INSR: variants seen among roughly 807,000 people sequenced by gnomAD.
The protein encoded by INSR is insulin receptor, also known as IR.
In INSR, 67 loss-of-function variants were observed where a neutral mutation model predicts 142.6. The ratio of observed to expected loss-of-function variants is 0.47; its 90% confidence interval spans 0.39 to 0.58. The LOEUF (loss-of-function observed/expected upper bound fraction) is 0.58, where lower values mean the gene tolerates loss of function less well. Among genes scored for constraint, INSR ranks in the 20% least tolerant of loss-of-function variants. The probability of loss-of-function intolerance (pLI) is 0.00; values close to 1 mark genes in which losing one functional copy is unlikely to be tolerated. For synonymous variants in INSR, 756 were observed against 743.1 expected, an observed-to-expected ratio of 1.02 and a Z score of -0.28; for missense variants, 1,248 against 1,833.2, an observed-to-expected ratio of 0.68 and a Z score of 5.83.
intron 13 of INSR, among the ~76,000 whole-genome samples, chr19:7,135,304 CTTTTTTTTTTT>C (rs34080394): frequency 0.07 from 4,238 of 60,190 alleles, 721 homozygotes; most frequent in East Asian, 0.6. Context: ...AATGCATCTT[CTTTTTTTTTTT>C]TTTTTTTTTT....
intron 9 of INSR, among the ~76,000 whole-genome samples, chr19:7,154,733 A>G (rs996683095): frequency 3.3e-5 from 5 of 151,400 alleles, no homozygotes; most frequent in African/African-American, 9.7e-5. Flanking sequence ...GGACCATCCT[A>G]GCCAACATGG....
intron 15 of INSR, among the ~76,000 whole-genome samples, chr19:7,127,502 G>C (rs1972674426): frequency 6.6e-6 from 1 of 152,140 alleles, no homozygotes; most frequent in African/African-American, 2.4e-5. Flanking sequence ...TATGATCAAT[G>C]CAGTTGAGGT....
chr19:7,152,824 G>A lies in INSR; in HGVS notation c.2133C>T (p.Ser711=), dbSNP rs1195151976. ...EYEDSAGECC[S]CPKTDSQILK... is the part of the protein sequence containing the mutation. ...GGATCTGAGAGTCTGTCTTTGGACA[G>A]GAGCAGCATTCGCCGGCCGAATCCT... is the stretch of plus-strand genomic sequence containing the variant. The change falls in exon 10 of 22, where the codon TCC becomes TCT. Residue 711 remains serine (S), a synonymous_variant. Transcript: ENST00000302850. 6.2e-7 allele frequency: 1 copy of A among 1,613,548 alleles called. No individual in the cohort carries two copies. Among genetic ancestry groups the A allele is most frequent in the Non-Finnish European group, 8.5e-7 (1 of 1,179,934 alleles).
intron 1 of INSR, among the ~76,000 whole-genome samples, chr19:7,290,349 TG>T (rs1968457783): frequency 6.6e-6 from 1 of 152,092 alleles, no homozygotes; most frequent in Admixed American, 6.6e-5. Flanking sequence ...GAGGCTGCAG[TG>T]AGCCATCATT....
intron 1 of INSR, among the ~76,000 whole-genome samples, chr19:7,275,783 T>A (rs1378209358): frequency 7.0e-6 from 1 of 143,578 alleles, no homozygotes; most frequent in Non-Finnish European, 1.5e-5. Context: ...CGAGACTCCA[T>A]CTCAAAAAAA....
intron 2 of INSR, among the ~76,000 whole-genome samples, chr19:7,209,881 G>A (rs1975222521): frequency 2.0e-5 from 3 of 152,034 alleles, no homozygotes; most frequent in Non-Finnish European, 4.4e-5. Flanking sequence ...TAGCAATCAA[G>A]GATAGCACCT....
At chr19:7,135,231 G>A (rs1972884567) in intron 13 of INSR, among the ~76,000 whole-genome samples, 1 of 148,964 alleles carries the variant, frequency 6.7e-6, no homozygotes, top group Non-Finnish European at 1.5e-5. Flanking sequence ...GAGTCACCGA[G>A]TAGAGAGGGA....
chr19:7,119,371 G>T lies in INSR; in HGVS notation c.3794+78C>A, dbSNP rs142583974. ...CGGTGAGCGTGTAGACATAGGAAAG[G>T]CAAAACCAAGCACACGTGTAAAGGG... On this transcript the variant is annotated intron_variant, in intron 21 of 21. Coordinates refer to ENST00000302850, the MANE Select transcript of INSR (RefSeq NM_000208.4). The surrounding 1 kb of genome is among the most constrained non-coding windows in gnomAD (Gnocchi z 5.2). The T allele has an allele frequency of 1.8e-4, 289 of 1,563,378 alleles. 1 individual carries two copies. The East Asian group carries it at 6.4e-3, about 34-fold the overall frequency.
intron 2 of INSR, among the ~76,000 whole-genome samples, chr19:7,253,751 G>A (rs756220746): frequency 3.9e-5 from 6 of 152,078 alleles, no homozygotes; most frequent in East Asian, 1.9e-4. Flanking sequence ...CAAACGGGCC[G>A]AGTGTGGTGG....
chr19:7,182,924 A>AAC (rs1974313173), intron 3 of INSR, among the ~76,000 whole-genome samples: 1 of 151,882 alleles, frequency 6.6e-6, no homozygotes, highest in Non-Finnish European at 1.5e-5. Flanking sequence ...AAAAAAAAAA[A>AAC]ACCTAAAACA....
chr19:7,119,790 A>G lies in INSR; in HGVS notation c.3660-207T>C, dbSNP rs1972438467. On this transcript the variant is annotated intron_variant, in intron 20 of 21. Transcript: ENST00000302850. This position sits in a 1 kb window ranked among gnomAD's most constrained non-coding sequence, Gnocchi z 5.2. ...CAAACACGCATGCGCACACATGCAC[A>G]CACAAATATGCAAACACACAAACAC... Among the ~76,000 whole-genome samples the G allele has an allele frequency of 6.6e-6, 1 of 151,318 alleles. No homozygotes were observed. The highest frequency in any genetic ancestry group is 2.1e-4 in the South Asian group (1 of 4,796).
intron 2 of INSR, among the ~76,000 whole-genome samples, chr19:7,243,073 T>A (rs12463278): frequency 0.2 from 29,649 of 151,548 alleles, 3,171 homozygotes; most frequent in East Asian, 0.38. Context: ...GAGCACAGAC[T>A]CCAGATGGCA....
rs77017193 is a variant in INSR, at chr19:7,132,619, T to C, written c.2683-302A>G. On this transcript the variant is annotated intron_variant, in intron 13 of 21. Transcript: ENST00000302850. The stretch of plus-strand genomic sequence containing the variant: ...TTTTTTTTTTTTTTCCAGACGGAGT[T>C]TCACTCTTGTTGCCCAGGCTGGAGC... Among the ~76,000 whole-genome samples the C allele has an allele frequency of 0.21, 31,419 of 150,584 alleles. 3,456 individuals carry two copies. Among genetic ancestry groups the C allele is most frequent in the Middle Eastern group, 0.34 (100 of 292 alleles).
At chr19:7,224,328 C>A (rs1404498171) in intron 2 of INSR, among the ~76,000 whole-genome samples, 2 of 150,988 alleles carry the variant, frequency 1.3e-5, no homozygotes, top group Non-Finnish European at 2.9e-5. Context: ...CTTTCTCCCT[C>A]AACCTCAAGC....
chr19:7,182,908 C>CAA (rs386388474), intron 3 of INSR, among the ~76,000 whole-genome samples: 17,431 of 80,930 alleles, frequency 0.22, 1,482 homozygotes, highest in South Asian at 0.28. Context: ...ATACACTGGC[C>CAA]AAAAAAAAAA....
chr19:7,194,277 C>T (rs760263921), intron 2 of INSR, among the ~76,000 whole-genome samples: 5 of 151,844 alleles, frequency 3.3e-5, no homozygotes, highest in African/African-American at 9.7e-5. Context: ...ATTAGCTGGG[C>T]GTGGTGGTAG....
chr19:7,245,738 G>A (rs1443428040), intron 2 of INSR, among the ~76,000 whole-genome samples: 1 of 152,066 alleles, frequency 6.6e-6, no homozygotes, highest in African/African-American at 2.4e-5. Flanking sequence ...GAGCCACCAC[G>A]CCCAGCCGAG....
intron 19 of INSR, 132 bp from the exon 20 acceptor site, chr19:7,120,881 T>G: frequency 9.2e-7 from 1 of 1,092,422 alleles, no homozygotes; most frequent in Non-Finnish European, 1.4e-6. Context: ...ACCTGGGTGG[T>G]GGCCAAATCC....
chr19:7,134,264 AT>A (rs1156753907), intron 13 of INSR, among the ~76,000 whole-genome samples: 2 of 152,232 alleles, frequency 1.3e-5, no homozygotes, highest in East Asian at 3.8e-4. Context: ...ACTGCAGAAT[AT>A]TTTTGCCATG....
Sources: gnomAD v4.1 joint callset for allele counts (sites outside exome capture counted in the v4.1 genomes callset) on GRCh38, gnomAD v4.1.1 for gene constraint, Gnocchi (gnomAD v3.1) non-coding constraint, MANE v1.5 for transcripts, NCBI Gene and HGNC (gene_info 2026-07-23, HGNC 2026-07-21) for gene names.